Variants in CFTR observed in about 807,000 individuals in gnomAD.
CFTR encodes the protein cystic fibrosis transmembrane conductance regulator.
A neutral mutation model predicts 171.6 loss-of-function variants in CFTR; 181 were observed. The ratio of observed to expected loss-of-function variants is 1.05; its 90% CI spans 0.93 to 1.19. The LOEUF (loss-of-function observed/expected upper bound fraction) is 1.19. Among genes scored for constraint, CFTR ranks in the 50% most tolerant of loss-of-function variants. CFTR has a pLI of 0.00. For synonymous variants in CFTR, 583 were observed against 608.0 expected (o/e 0.96, Z 0.60); for missense variants, 1,968 against 1,734.7 (o/e 1.13, Z -2.39).
intron 22 of CFTR, among the ~76,000 whole-genome samples, chr7:117,639,447 T>G (rs1195074272): frequency 6.6e-6 from 1 of 152,154 alleles, no homozygotes; most frequent in Non-Finnish European, 1.5e-5. Context: ...ACTGGGAACT[T>G]AATTTGGAGT....
chr7:117,488,646 T>C (rs1394985685), intron 1 of CFTR, among the ~76,000 whole-genome samples: 1 of 152,064 alleles, frequency 6.6e-6, no homozygotes, highest in Non-Finnish European at 1.5e-5. Context: ...GTAATCAATT[T>C]TCAAATAAAA....
At chr7:117,560,962 CT>C (rs200904480) in intron 11 of CFTR, among the ~76,000 whole-genome samples, 40 of 150,894 alleles carry the variant, frequency 2.7e-4, no homozygotes, top group Admixed American at 1.1e-3. Flanking sequence ...GCCTTACAGA[CT>C]TTTTTTTTGC....
At chr7:117,577,452 T>A (rs1276531916) in intron 11 of CFTR, among the ~76,000 whole-genome samples, 1 of 152,148 alleles carries the variant, frequency 6.6e-6, no homozygotes, top group Non-Finnish European at 1.5e-5. Context: ...CAGTTATTCT[T>A]TGACCAAGAT....
intron 23 of CFTR, among the ~76,000 whole-genome samples, chr7:117,649,511 A>AT (rs1440653955): frequency 1.6e-4 from 21 of 129,958 alleles, no homozygotes; most frequent in African/African-American, 5.9e-4. Flanking sequence ...ATATATATAT[A>AT]TATATATATT....
At chr7:117,596,926 T>C (rs925666889) in intron 15 of CFTR, among the ~76,000 whole-genome samples, 1 of 152,176 alleles carries the variant, frequency 6.6e-6, no homozygotes, top group African/African-American at 2.4e-5. Context: ...AACTTTTGTG[T>C]CTAGCTCAGG....
At chr7:117,602,680 G>A (rs1792243507) in intron 15 of CFTR, 146 bp from the exon 16 acceptor site, 1 of 789,252 alleles carries the variant, frequency 1.3e-6, no homozygotes. Context: ...GCTGGACCCA[G>A]GAACACAAAG....
At chr7:117,606,545 G>T in intron 17 of CFTR, 129 bp from the exon 18 acceptor site, 1 of 662,922 alleles carries the variant, frequency 1.5e-6, no homozygotes, top group Admixed American at 2.3e-5. Context: ...AAGTCTATCT[G>T]ATTCTATTTG....
intron 15 of CFTR, among the ~76,000 whole-genome samples, chr7:117,598,673 A>G (rs1792176241): frequency 6.6e-6 from 1 of 152,180 alleles, no homozygotes. Context: ...GCTGTTGTAA[A>G]TAAACAAACC....
chr7:117,619,726 A>C (rs1224994420), intron 21 of CFTR, among the ~76,000 whole-genome samples: 1 of 152,196 alleles, frequency 6.6e-6, no homozygotes, highest in Non-Finnish European at 1.5e-5. Flanking sequence ...TTCTAATAAC[A>C]TAAGAATAAG....
At chr7:117,643,930 A>G (rs532735628) in intron 23 of CFTR, among the ~76,000 whole-genome samples, 4 of 152,306 alleles carry the variant, frequency 2.6e-5, no homozygotes, top group Non-Finnish European at 4.4e-5. Flanking sequence ...TATGTAGTAG[A>G]GAGGTTTTGT....
chr7:117,493,325 T>C (rs540961874), intron 1 of CFTR, among the ~76,000 whole-genome samples: 2 of 152,240 alleles, frequency 1.3e-5, no homozygotes, highest in South Asian at 4.1e-4. Flanking sequence ...TTAAGTGTTT[T>C]GCAGACCTTT....
chr7:117,550,444 AT>A (rs1175960655), intron 10 of CFTR, among the ~76,000 whole-genome samples: 10 of 151,880 alleles, frequency 6.6e-5, no homozygotes, highest in Non-Finnish European at 1.3e-4. Flanking sequence ...GGAATTGTGC[AT>A]TTTTTCTTAC....
intron 2 of CFTR, among the ~76,000 whole-genome samples, chr7:117,508,207 T>C (rs1798454431): frequency 6.6e-6 from 1 of 152,260 alleles, no homozygotes; most frequent in Non-Finnish European, 1.5e-5. Context: ...CATGAAATTT[T>C]TCATCTCTGT....
chr7:117,506,134 T>C (rs934877925), intron 2 of CFTR, among the ~76,000 whole-genome samples: 2 of 152,228 alleles, frequency 1.3e-5, no homozygotes, highest in Admixed American at 6.5e-5. Flanking sequence ...TAGCATTACA[T>C]AGAAACCTGT....
At chr7:117,649,335 G>C (rs1373836493) in intron 23 of CFTR, among the ~76,000 whole-genome samples, 1 of 147,958 alleles carries the variant, frequency 6.8e-6, no homozygotes, top group Non-Finnish European at 1.5e-5. Context: ...TATGGCAGTA[G>C]AGATATATAT....
intron 11 of CFTR, among the ~76,000 whole-genome samples, chr7:117,579,520 C>A (rs1413177694): frequency 6.6e-6 from 1 of 151,600 alleles, no homozygotes; most frequent in Non-Finnish European, 1.5e-5. Flanking sequence ...CAGTGCCTGA[C>A]ATATAGTAAG....
intron 3 of CFTR, among the ~76,000 whole-genome samples, chr7:117,524,889 G>T (rs1798749912): frequency 2.6e-5 from 4 of 152,144 alleles, no homozygotes; most frequent in Non-Finnish European, 5.9e-5. Flanking sequence ...TTAAAAAGTT[G>T]TAAAAAGCAC....
chr7:117,655,239 G>A (rs1793150122), intron 24 of CFTR, among the ~76,000 whole-genome samples: 1 of 152,102 alleles, frequency 6.6e-6, no homozygotes. Flanking sequence ...ATTTTACTAT[G>A]AGCAGTCAAG....
Position 117,653,000 on chromosome 7 carries a change from A to G in CFTR, c.3963+69A>G, listed in dbSNP as rs540577876. 183 of 915,110 alleles carry G rather than the reference A, an allele frequency of 2.0e-4. 1 individual carries two copies. In the Middle Eastern group the frequency reaches 2.3e-3, roughly 11 times the overall value. 56.7% of individuals were successfully genotyped at this position (915,110 alleles called of 1,614,324 possible). A position where few individuals can be genotyped will look rare whatever the true frequency, so the allele number is the denominator to read the frequency against. On this transcript the variant is annotated intron_variant, in intron 24 of 26. Coordinates refer to ENST00000003084, the MANE Select transcript of CFTR (RefSeq NM_000492.4). ...CCAACACAAATGGCTGATATAGCTG[A>G]CATCATTCTACACACTTTGTGTGCA... is the stretch of plus-strand genomic sequence containing the variant.
Sources: allele counts gnomAD v4.1 joint callset (sites outside exome capture counted in the v4.1 genomes callset), GRCh38; gene constraint gnomAD v4.1.1; transcripts MANE v1.5; gene names NCBI Gene and HGNC (gene_info 2026-07-23, HGNC 2026-07-21).